The following PREX1 variants were observed in gnomAD, a reference collection of about 807,000 sequenced individuals.
The protein encoded by PREX1 is phosphatidylinositol 3,4,5-trisphosphate-dependent Rac exchanger 1 protein.
PREX1 carries 41 observed loss-of-function variants against 198.3 expected under a neutral mutation model. The ratio of observed to expected loss-of-function variants is 0.21; its 90% confidence interval spans 0.16 to 0.27. PREX1 has a LOEUF of 0.27. Among genes scored for constraint, PREX1 ranks in the 10% least tolerant of loss-of-function variants. The pLI is 1.00. For missense variants in PREX1, 1,620 were observed against 2,200.7 expected, an observed-to-expected ratio of 0.74 and a Z score of 5.28; for synonymous variants, 843 against 887.2, an observed-to-expected ratio of 0.95 and a Z score of 0.89.
rs563707151 is a variant in PREX1 at position 48,657,253 on chromosome 20, G to A, written c.1975-65C>T. ...ACTAAGCTCCTTCCCTCCTCACCAA[G>A]GAAGCTCAAATGTGTTCAGCAGAAG... On this transcript the variant is annotated intron_variant, in intron 17 of 39. Transcript: ENST00000371941. 3.3e-5 allele frequency: 51 copies of A among 1,560,326 alleles called. 1 individual carries two copies. The highest frequency in any genetic ancestry group is 3.2e-4 in the Admixed American group (19 of 58,964).
chr20:48,644,612 G>A (rs1473912515), intron 26 of PREX1, 115 bp from the exon 27 acceptor site: 9 of 906,856 alleles, frequency 9.9e-6, no homozygotes, highest in South Asian at 1.7e-5. Context: ...TCAGGTGGGC[G>A]TGCAGCCCAG....
the PREX1 span, among the ~76,000 whole-genome samples, chr20:48,869,849 G>A: frequency 2.0e-5 from 3 of 152,172 alleles, no homozygotes; most frequent in African/African-American, 7.2e-5. Flanking sequence ...TTTGGGAGTT[G>A]CAGGGTAAGC....
chr20:48,819,476 G>C (rs148826236), intron 1 of PREX1, among the ~76,000 whole-genome samples: 1 of 152,260 alleles, frequency 6.6e-6, no homozygotes, highest in Non-Finnish European at 1.5e-5. Context: ...AAGTAGATGC[G>C]ACCATCCCTG....
intron 3 of PREX1, among the ~76,000 whole-genome samples, chr20:48,740,955 T>C (rs2090078811): frequency 6.6e-6 from 1 of 152,336 alleles, no homozygotes; most frequent in Middle Eastern, 3.4e-3. Context: ...CTATTTTCAA[T>C]GATGATGCAA....
At chr20:48,677,600 A>T (rs1242943833) in intron 13 of PREX1, among the ~76,000 whole-genome samples, 1 of 152,128 alleles carries the variant, frequency 6.6e-6, no homozygotes, top group Non-Finnish European at 1.5e-5. Context: ...ACAGAAGCAA[A>T]AGAAGTTAAT....
intron 1 of PREX1, among the ~76,000 whole-genome samples, chr20:48,810,473 A>T (rs2123041360): frequency 6.6e-6 from 1 of 151,562 alleles, no homozygotes; most frequent in Middle Eastern, 3.4e-3. Flanking sequence ...AGTTACAGCT[A>T]CTCAGGAGGC....
At chr20:48,849,550 A>G in the PREX1 span, 6 of 152,314 alleles carry the variant, frequency 3.9e-5, no homozygotes, top group East Asian at 9.6e-4. Context: ...TGCTCCATCA[A>G]TATCTGTGGA....
intron 1 of PREX1, among the ~76,000 whole-genome samples, chr20:48,760,806 C>A (rs999634762): frequency 1.2e-4 from 19 of 152,072 alleles, no homozygotes; most frequent in African/African-American, 4.3e-4. Flanking sequence ...CATGACCCTG[C>A]CACGGAAGGA....
intron 26 of PREX1, among the ~76,000 whole-genome samples, chr20:48,644,772 T>A (rs551451136): frequency 6.6e-6 from 1 of 152,326 alleles, no homozygotes; most frequent in South Asian, 2.1e-4. Flanking sequence ...CACGCAGGTG[T>A]CACTCTGTCC....
the PREX1 span, among the ~76,000 whole-genome samples, chr20:48,846,897 A>T: frequency 3.3e-5 from 5 of 152,140 alleles, no homozygotes; most frequent in Non-Finnish European, 5.9e-5. Context: ...AAAACCCAAA[A>T]GTAGGAGAGG....
intron 1 of PREX1, among the ~76,000 whole-genome samples, chr20:48,816,077 T>A (rs2090458068): frequency 6.7e-6 from 1 of 149,594 alleles, no homozygotes. Context: ...GTGTACTGTG[T>A]TGGAGAGACC....
chr20:48,746,944 ACAC>A (rs2090110686), intron 2 of PREX1, among the ~76,000 whole-genome samples: 1 of 138 alleles, frequency 7.2e-3, no homozygotes, highest in African/African-American at 0.028. Context: ...GTGCATGAAC[ACAC>A]ACACACACAC....
intron 1 of PREX1, among the ~76,000 whole-genome samples, chr20:48,797,062 T>C (rs918986445): frequency 1.6e-4 from 24 of 152,000 alleles, no homozygotes; most frequent in African/African-American, 5.8e-4. Context: ...TATTGTACAT[T>C]TTGCATACAA....
chr20:48,882,501 C>CAAAAAA, the PREX1 span, among the ~76,000 whole-genome samples: 1 of 66,876 alleles, frequency 1.5e-5, no homozygotes, highest in African/African-American at 6.4e-5. Context: ...GACTCCGTCT[C>CAAAAAA]AAAAAAAAAA....
chr20:48,642,096 G>T, intron 29 of PREX1, 72 bp downstream of exon 29: 1 of 1,485,508 alleles, frequency 6.7e-7, no homozygotes, highest in Non-Finnish European at 9.4e-7. Context: ...CTGAGCATTA[G>T]CCCGGGTACG....
intron 1 of PREX1, among the ~76,000 whole-genome samples, chr20:48,780,694 A>C (rs1486589987): frequency 6.6e-6 from 1 of 152,190 alleles, no homozygotes; most frequent in African/African-American, 2.4e-5. Context: ...AGGAGGAGTG[A>C]AGGAAATAGA....
At chr20:48,702,333 G>T (rs143879233) in intron 6 of PREX1, among the ~76,000 whole-genome samples, 48 of 152,316 alleles carry the variant, frequency 3.2e-4, no homozygotes, top group Non-Finnish European at 6.5e-4. Context: ...CAAGGGCAGA[G>T]AGATCCCAAA....
chr20:48,658,861 G>A (rs1270273365), intron 16 of PREX1, among the ~76,000 whole-genome samples: 1 of 152,056 alleles, frequency 6.6e-6, no homozygotes, highest in Non-Finnish European at 1.5e-5. Context: ...AAGAGTGGAG[G>A]AACATGCTCC....
chr20:48,632,677 G>C, intron 33 of PREX1, 38 bp from the exon 34 acceptor site: 2 of 1,610,590 alleles, frequency 1.2e-6, no homozygotes, highest in South Asian at 2.2e-5. Flanking sequence ...TCACCACCGA[G>C]GCCAAGGCCA....
Sources: gnomAD v4.1 joint callset for allele counts (sites outside exome capture counted in the v4.1 genomes callset) on GRCh38, gnomAD v4.1.1 for gene constraint, MANE v1.5 for transcripts, NCBI Gene and HGNC (gene_info 2026-07-23, HGNC 2026-07-21) for gene names.